ZMYND8: variants seen among roughly 807,000 people sequenced by gnomAD.
ZMYND8 encodes MYND-type zinc finger-containing chromatin reader ZMYND8.
Under a neutral mutation model 140.8 loss-of-function variants are expected in ZMYND8, and 37 were observed. The ratio of observed to expected loss-of-function variants is 0.26; its 90% confidence interval spans 0.20 to 0.35. The LOEUF (loss-of-function observed/expected upper bound fraction) is 0.35. Among genes scored for constraint, ZMYND8 ranks in the 10% least tolerant of loss-of-function variants. The pLI is 1.00. For missense variants in ZMYND8, 1,068 were observed against 1,570.0 expected (o/e 0.68, Z 5.40); for synonymous variants, 592 against 597.1 (o/e 0.99, Z 0.12).
rs200349581 is a variant in ZMYND8 at position 47,210,749 on chromosome 20, C to A, written c.*12G>T. The A allele has an allele frequency of 2.6e-4, 423 of 1,614,034 alleles. 1 individual carries two copies. In the African/African-American group the frequency reaches 4.9e-3, roughly 19 times the overall value. ...TCCCAATGGGGTGGGTGGTTTGTGT[C>A]CCGATTCACTGCTAGTCCCAGAAGG... On this transcript the variant is annotated 3_prime_UTR_variant, in exon 23 of 23. Transcript: ENST00000471951.
At position 47,290,340 on chromosome 20, in the gene ZMYND8, T is replaced by C. The variant is rs932167361; in HGVS notation, c.661-66A>G. The C allele has an allele frequency of 7.1e-6, 10 of 1,410,146 alleles. No homozygotes were observed. In the African/African-American group the frequency reaches 1.3e-4, roughly 18 times the overall value. 87.4% of individuals were successfully genotyped at this position (1,410,146 alleles called of 1,614,324 possible). The stretch of plus-strand genomic sequence containing the variant: ...GACAAGCCACAGTCAGTGACTCTTG[T>C]GTCCCCACATAATTTTTGTAGCAGT... On this transcript the variant is annotated intron_variant, in intron 6 of 22. Transcript: ENST00000471951.
intron 1 of ZMYND8, chr20:47,356,346 A>AG (rs1491528013): frequency 3.0e-5 from 43 of 1,447,518 alleles, no homozygotes; most frequent in Non-Finnish European, 3.7e-5. Context: ...AAAAAAAAAA[A>AG]GAAGGAAAAA....
At chr20:47,339,007 C>T (rs2081609995) in intron 2 of ZMYND8, among the ~76,000 whole-genome samples, 1 of 148,520 alleles carries the variant, frequency 6.7e-6, no homozygotes, top group African/African-American at 2.5e-5. Context: ...GAGTCTCGCT[C>T]TGTCACCCAG....
intron 11 of ZMYND8, among the ~76,000 whole-genome samples, chr20:47,265,037 C>CAAAAAAAAAAAA (rs1487791973): frequency 3.3e-5 from 3 of 89,700 alleles, no homozygotes; most frequent in African/African-American, 1.3e-4. Flanking sequence ...ACCCTGTCCC[C>CAAAAAAAAAAAA]AAAAAAATAT....
intron 11 of ZMYND8, among the ~76,000 whole-genome samples, chr20:47,264,988 G>A (rs2075404977): frequency 6.6e-6 from 1 of 151,264 alleles, no homozygotes; most frequent in African/African-American, 2.4e-5. Flanking sequence ...AGTGAACCGT[G>A]ATCATGCCAC....
intron 1 of ZMYND8, chr20:47,352,472 G>A: frequency 1.0e-6 from 1 of 985,456 alleles, no homozygotes; most frequent in Non-Finnish European, 1.2e-6. Context: ...CCAATGCACA[G>A]GATACTCACA....
At chr20:47,214,595 G>A (rs2035797464) in intron 21 of ZMYND8, among the ~76,000 whole-genome samples, 1 of 152,206 alleles carries the variant, frequency 6.6e-6, no homozygotes, top group South Asian at 2.1e-4. Flanking sequence ...CTGGGTTCAA[G>A]TAATTCTCAT....
At position 47,309,161 on chromosome 20, in the gene ZMYND8, G is replaced by A. The variant is rs538755547; in HGVS notation, c.234+895C>T. On this transcript the variant is annotated intron_variant, in intron 3 of 22. Transcript: ENST00000471951. ...CTTAGAAAAGATCCAAACGGTGAAC[G>A]GATTTTTCCTATCTAGCTGACTGGT... Among the ~76,000 whole-genome samples, 68 of 152,248 alleles carry A rather than the reference G, an allele frequency of 4.5e-4. 1 individual carries two copies. Among genetic ancestry groups the A allele is most frequent in the South Asian group, 1.7e-3 (8 of 4,822 alleles).
chr20:47,255,483 G>T (rs2074526586), intron 12 of ZMYND8, among the ~76,000 whole-genome samples: 1 of 150,056 alleles, frequency 6.7e-6, no homozygotes, highest in African/African-American at 2.5e-5. Flanking sequence ...CCGAGGTGGA[G>T]ATATAAATAT....
intron 21 of ZMYND8, among the ~76,000 whole-genome samples, chr20:47,217,180 T>C (rs955523316): frequency 6.6e-6 from 1 of 152,054 alleles, no homozygotes; most frequent in Admixed American, 6.5e-5. Flanking sequence ...GTTAGTAGAA[T>C]TGGGTGAGGA....
chr20:47,318,757 G>C (rs1316457223), intron 2 of ZMYND8: 1 of 478,412 alleles, frequency 2.1e-6, no homozygotes, highest in Non-Finnish European at 4.0e-6. Flanking sequence ...GGCCTGAACT[G>C]TGCTTATAAA....
At chr20:47,219,060 T>TTTTTTTTTTTTC in intron 21 of ZMYND8, among the ~76,000 whole-genome samples, 1 of 144,244 alleles carries the variant, frequency 6.9e-6, no homozygotes, top group Non-Finnish European at 1.5e-5. Context: ...CTACAATTTT[T>TTTTTTTTTTTTC]TTTTTTTTTT....
rs116334701 is a variant in ZMYND8 at position 47,210,558 on chromosome 20, G to A, written c.*203C>T. 875 of 661,016 alleles carry A rather than the reference G, an allele frequency of 1.3e-3. 5 individuals are homozygous for A. The highest frequency in any genetic ancestry group is 0.013 in the African/African-American group (729 of 55,172). The allele number at this position is 661,016 out of a possible 1,614,324, so 40.9% of individuals were successfully genotyped here. A position where few individuals can be genotyped will look rare whatever the true frequency, so the allele number is the denominator to read the frequency against. On this transcript the variant is annotated 3_prime_UTR_variant, in exon 23 of 23. Transcript: ENST00000471951. Reference sequence around the variant, plus strand: ...TATTTACACCAAAAGCACAGGGCTCGTGTGGGTGAACAGTCTGCAGTCAAA... The same window carrying A: ...TATTTACACCAAAAGCACAGGGCTCATGTGGGTGAACAGTCTGCAGTCAAA...
In ZMYND8 at chr20:47,221,520, G is replaced by A. The variant is rs185274294; in HGVS notation, c.3257-46C>T. On this transcript the variant is annotated intron_variant, in intron 19 of 22. Coordinates refer to ENST00000471951, the MANE Select transcript of ZMYND8 (RefSeq NM_001281775.3). ...GAGACGCCACATATACACAGAGTACGATGATTTTGAAACATGCATGGAGCC... is the reference window on the plus strand; with the variant it reads ...GAGACGCCACATATACACAGAGTACAATGATTTTGAAACATGCATGGAGCC... The A allele has an allele frequency of 1.8e-3, 2,872 of 1,591,172 alleles. 5 individuals are homozygous for A. The highest frequency in any genetic ancestry group is 2.4e-3 in the Admixed American group (142 of 58,116).
At chr20:47,311,247 T>A (rs1449272172) in intron 2 of ZMYND8, among the ~76,000 whole-genome samples, 1 of 152,210 alleles carries the variant, frequency 6.6e-6, no homozygotes, top group African/African-American at 2.4e-5. Flanking sequence ...TACATCCTTG[T>A]GGATTCTCAC....
At chr20:47,281,844 A>G (rs910333627) in intron 10 of ZMYND8, among the ~76,000 whole-genome samples, 2 of 152,240 alleles carry the variant, frequency 1.3e-5, no homozygotes, top group African/African-American at 4.8e-5. Context: ...TCAAACAGCC[A>G]CAGAACCCAT....
chr20:47,254,548 G>C (rs558987717), intron 12 of ZMYND8, among the ~76,000 whole-genome samples: 1 of 152,336 alleles, frequency 6.6e-6, no homozygotes, highest in South Asian at 2.1e-4. Context: ...CGATTTCTGT[G>C]TGTTGATATG....
intron 22 of ZMYND8, among the ~76,000 whole-genome samples, chr20:47,212,170 G>A (rs992244159): frequency 1.3e-5 from 2 of 152,172 alleles, no homozygotes; most frequent in Non-Finnish European, 2.9e-5. Flanking sequence ...CAGTGATGTG[G>A]TCAAACCACA....
chr20:47,260,804 C>T (rs1272191847), intron 12 of ZMYND8, among the ~76,000 whole-genome samples: 1 of 152,210 alleles, frequency 6.6e-6, no homozygotes, highest in African/African-American at 2.4e-5. Flanking sequence ...AAAACCCAGC[C>T]TCTACAAGAG....
Sources: allele counts gnomAD v4.1 joint callset (sites outside exome capture counted in the v4.1 genomes callset), GRCh38; gene constraint gnomAD v4.1.1; transcripts MANE v1.5; gene names NCBI Gene and HGNC (gene_info 2026-07-23, HGNC 2026-07-21).